Variants in PCDH10 observed in about 807,000 individuals in gnomAD.
The protein encoded by PCDH10 is protocadherin-10.
Under a neutral mutation model 74.4 loss-of-function variants are expected in PCDH10, and 15 were observed. That is an observed-to-expected ratio of 0.20 (90% CI 0.13 to 0.31). The LOEUF is 0.31. PCDH10 is among the 10% of genes least tolerant of loss of function. The probability of loss-of-function intolerance (pLI) is 1.00; values close to 1 mark genes in which losing one functional copy is unlikely to be tolerated. For synonymous variants in PCDH10, 619 were observed against 589.8 expected, an observed-to-expected ratio of 1.05 and a Z score of -0.72; for missense variants, 1,260 against 1,390.2, an observed-to-expected ratio of 0.91 and a Z score of 1.49.
At chr4:133,184,547 C>T (rs1578574418) in intron 4 of PCDH10, among the ~76,000 whole-genome samples, 1 of 151,142 alleles carries the variant, frequency 6.6e-6, no homozygotes, top group Non-Finnish European at 1.5e-5. Flanking sequence ...CGCCTGAACC[C>T]GGGAAGCTGA....
chr4:133,186,465 C>T (rs1456564384), intron 4 of PCDH10, among the ~76,000 whole-genome samples: 2 of 152,074 alleles, frequency 1.3e-5, no homozygotes, highest in African/African-American at 4.8e-5. Context: ...AAGAAATCCT[C>T]CAAGCATGCT....
chr4:133,208,080 A>G (rs529422908), exon 3 of PCDH10: 15 of 152,298 alleles, frequency 9.8e-5, no homozygotes, highest in African/African-American at 3.4e-4. Context: ...TTGCAGAGCT[A>G]TTGTGGAGGC....
rs1474374606 is a variant in PCDH10 at position 133,152,116 on chromosome 4, A to C, written c.1976A>C (p.Glu659Ala). 1 of 1,575,392 alleles carries C rather than the reference A, an allele frequency of 6.3e-7. No individual in the cohort carries two copies. Among genetic ancestry groups the C allele is most frequent in the South Asian group, 1.2e-5 (1 of 84,382 alleles). ...DPQRPYELVI[E>A]VRDHGQPPLS... ...CAGCGGCCTTATGAGCTGGTGATCG[A>C]GGTGCGCGACCATGGGCAGCCGCCC... The change falls in exon 1 of 5, where the codon GAG (glutamate) becomes GCG (alanine). Residue 659 changes from glutamate (E) to alanine (A), a missense_variant. Around this residue, in one of 11 missense-constraint regions of PCDH10, gnomAD observed 587 missense variants for 616.9 expected, o/e 0.95. Transcript: ENST00000264360.
chr4:133,162,361 A>G (rs1251805806), intron 3 of PCDH10, among the ~76,000 whole-genome samples: 1 of 152,218 alleles, frequency 6.6e-6, no homozygotes, highest in Non-Finnish European at 1.5e-5. Flanking sequence ...GTCATTTCCT[A>G]GAAACCTCGG....
At chr4:133,154,873 T>A (rs1348665703) in intron 2 of PCDH10, 44 bp from the exon 3 acceptor site, 1 of 1,317,588 alleles carries the variant, frequency 7.6e-7, no homozygotes, top group Admixed American at 1.7e-5. Flanking sequence ...TTTCTGTGTT[T>A]CTTCACCTTT....
exon 3 of PCDH10, chr4:133,208,542 T>C (rs1158360468): frequency 6.6e-6 from 1 of 152,074 alleles, no homozygotes; most frequent in Admixed American, 6.6e-5. Flanking sequence ...CAAAAAATCA[T>C]CCCCACTATT....
At chr4:133,196,392 T>A (rs1474016004), downstream of PCDH10, among the ~76,000 whole-genome samples, 1 of 152,140 alleles carries the variant, frequency 6.6e-6, no homozygotes, top group Non-Finnish European at 1.5e-5. Flanking sequence ...CACTGTTAGT[T>A]CCTGGCTGGG....
intron 2 of PCDH10, among the ~76,000 whole-genome samples, chr4:133,200,497 C>T (rs1727882298): frequency 6.6e-6 from 1 of 152,068 alleles, no homozygotes. Context: ...CTGAGTTCAA[C>T]TAATGTTTTC....
chr4:133,173,757 G>A, intron 4 of PCDH10, among the ~76,000 whole-genome samples: 1 of 149,580 alleles, frequency 6.7e-6, no homozygotes, highest in East Asian at 2.0e-4. Context: ...CATCTCACAT[G>A]TTGAATTGCA....
Position 133,150,518 on chromosome 4 carries a change from C to T in PCDH10, c.378C>T (p.Asp126=). The change falls in exon 1 of 5, where the codon GAC becomes GAT. Residue 126 remains aspartate (D), a synonymous_variant. Coordinates refer to ENST00000264360, the MANE Select transcript of PCDH10 (RefSeq NM_032961.3). ...NDNPPSFPEP[D]LTVEISESAT... The stretch of plus-strand genomic sequence containing the variant: ...ACCCCCCCTCTTTCCCGGAGCCAGA[C>T]CTGACGGTGGAAATCTCTGAGAGCG... 5 of 1,613,732 alleles carry T rather than the reference C, an allele frequency of 3.1e-6. No individual in the cohort carries two copies. Among genetic ancestry groups the T allele is most frequent in the Non-Finnish European group, 4.2e-6 (5 of 1,179,926 alleles).
At chr4:133,168,095 A>G (rs1727123107) in intron 4 of PCDH10, among the ~76,000 whole-genome samples, 1 of 151,480 alleles carries the variant, frequency 6.6e-6, no homozygotes, top group Non-Finnish European at 1.5e-5. Context: ...CCAGTTAACT[A>G]ACTGATGCAG....
chr4:133,190,049 C>G, intron 4 of PCDH10, 92 bp from the exon 5 acceptor site: 3 of 1,084,460 alleles, frequency 2.8e-6, no homozygotes, highest in Admixed American at 1.8e-5. Flanking sequence ...CAACTAGTTT[C>G]TAACTGTATT....
At chr4:133,167,816 AT>A (rs924082642) in intron 4 of PCDH10, among the ~76,000 whole-genome samples, 9 of 150,822 alleles carry the variant, frequency 6.0e-5, no homozygotes, top group Admixed American at 1.3e-4. Flanking sequence ...TAGTCATTAT[AT>A]TTTTTTCATT....
At chr4:133,184,458 A>T (rs1361997203) in intron 4 of PCDH10, among the ~76,000 whole-genome samples, 3 of 151,642 alleles carry the variant, frequency 2.0e-5, no homozygotes, top group Non-Finnish European at 4.4e-5. Flanking sequence ...CCCCATCTGT[A>T]CTAAAACTAC....
intron 3 of PCDH10, among the ~76,000 whole-genome samples, chr4:133,156,496 C>T (rs767717889): frequency 5.3e-5 from 8 of 152,182 alleles, no homozygotes; most frequent in East Asian, 1.9e-4. Context: ...TTTATATGTG[C>T]GTACAAAGTC....
intron 4 of PCDH10, among the ~76,000 whole-genome samples, chr4:133,183,549 T>C (rs1205324871): frequency 6.6e-6 from 1 of 152,172 alleles, no homozygotes; most frequent in Non-Finnish European, 1.5e-5. Context: ...GTCTTTTGCA[T>C]AGCAATGAAA....
chr4:133,202,489 G>A (rs1054178417), intron 2 of PCDH10, among the ~76,000 whole-genome samples: 3 of 152,014 alleles, frequency 2.0e-5, no homozygotes, highest in Non-Finnish European at 4.4e-5. Context: ...AACTTTAAAG[G>A]AATAAGAGGT....
At chr4:133,171,881 G>A (rs1221773219) in intron 4 of PCDH10, among the ~76,000 whole-genome samples, 1 of 151,862 alleles carries the variant, frequency 6.6e-6, no homozygotes, top group Admixed American at 6.6e-5. Context: ...CTTTAGAAAT[G>A]CATATCAGAT....
At chr4:133,188,431 G>C (rs528069024) in intron 4 of PCDH10, among the ~76,000 whole-genome samples, 1 of 152,060 alleles carries the variant, frequency 6.6e-6, no homozygotes, top group South Asian at 2.1e-4. Flanking sequence ...AGAAAAATAG[G>C]ATTTCATTCT....
Sources: gnomAD v4.1 joint callset for allele counts (sites outside exome capture counted in the v4.1 genomes callset) on GRCh38, gnomAD v4.1.1 for gene constraint, gnomAD v4.1.1 regional missense constraint, MANE v1.5 for transcripts, NCBI Gene and HGNC (gene_info 2026-07-23, HGNC 2026-07-21) for gene names.